GPR39: variants seen among roughly 807,000 people sequenced by gnomAD.
GPR39 encodes the protein G protein-coupled receptor 39, also known as zinc sensing receptor.
A neutral mutation model predicts 18.4 loss-of-function variants in GPR39; 23 were observed. The observed-to-expected ratio is 1.25, with a 90% CI of 0.90 to 1.77. The LOEUF (loss-of-function observed/expected upper bound fraction) is 1.77, where lower values mean the gene tolerates loss of function less well. Ranked by LOEUF, GPR39 falls within the 40% of genes most tolerant of loss-of-function variation. The pLI, the probability that GPR39 is intolerant of heterozygous loss-of-function variation, is 0.00. For synonymous variants in GPR39, 280 were observed against 257.9 expected, an observed-to-expected ratio of 1.09 and a Z score of -0.82; for missense variants, 647 against 602.4, an observed-to-expected ratio of 1.07 and a Z score of -0.78.
At chr2:132,626,958 C>A (rs1681554631) in intron 1 of GPR39, among the ~76,000 whole-genome samples, 1 of 152,226 alleles carries the variant, frequency 6.6e-6, no homozygotes, top group East Asian at 1.9e-4. Context: ...CTCCTTCTCA[C>A]AATGTTATGT....
At chr2:132,505,809 A>G (rs1026255580) in intron 1 of GPR39, among the ~76,000 whole-genome samples, 9 of 152,196 alleles carry the variant, frequency 5.9e-5, no homozygotes, top group Non-Finnish European at 1.2e-4. Flanking sequence ...CCATTGGTGG[A>G]CACTTAGGCT....
In GPR39 at chr2:132,547,400, C is replaced by G. The variant is rs574346656; in HGVS notation, c.857-97701C>G. 3.9e-5 allele frequency among the ~76,000 whole-genome samples: 6 copies of G among 152,260 alleles called. No individual in the cohort carries two copies. The South Asian group carries it at 1.2e-3, about 32-fold the overall frequency. On this transcript the variant is annotated intron_variant, in intron 1 of 1. Transcript: ENST00000329321. ...CCTGGGGAGGTTTATAGACAATTTC[C>G]AGGCCCGGCAAAGCTGGGACTGTCA... is the stretch of plus-strand genomic sequence containing the variant.
chr2:132,424,394 C>T (rs931105292), intron 1 of GPR39, among the ~76,000 whole-genome samples: 2 of 152,184 alleles, frequency 1.3e-5, no homozygotes, highest in African/African-American at 4.8e-5. Flanking sequence ...CCATCTCTCT[C>T]AAGAGTGAGC....
intron 1 of GPR39, among the ~76,000 whole-genome samples, chr2:132,438,141 A>C: frequency 6.6e-6 from 1 of 152,218 alleles, no homozygotes; most frequent in Non-Finnish European, 1.5e-5. Flanking sequence ...AGGTATTTTC[A>C]GTTCCTGACT....
Position 132,497,633 on chromosome 2 carries a change from C to T in GPR39, c.856+79735C>T, listed in dbSNP as rs148983518. 7.0e-3 allele frequency among the ~76,000 whole-genome samples: 1,071 copies of T among 152,248 alleles called. 16 individuals are homozygous for T. The highest frequency in any genetic ancestry group is 0.024 in the African/African-American group (1,015 of 41,520). ...AACTAATTAAGAGTCATAATTATTTCCCACTTTGGAACAAAGCCCTTTCTA... is the reference window on the plus strand; with the variant it reads ...AACTAATTAAGAGTCATAATTATTTTCCACTTTGGAACAAAGCCCTTTCTA... On this transcript the variant is annotated intron_variant, in intron 1 of 1. Coordinates refer to ENST00000329321, the MANE Select transcript of GPR39 (RefSeq NM_001508.3).
At chr2:132,614,911 C>T (rs1376140170) in intron 1 of GPR39, among the ~76,000 whole-genome samples, 28 of 152,174 alleles carry the variant, frequency 1.8e-4, no homozygotes, top group Admixed American at 1.8e-3. Flanking sequence ...TTTCTTACTC[C>T]AATAATCAAG....
In GPR39 at chr2:132,499,628, T is replaced by A. The variant is rs186337820; in HGVS notation, c.856+81730T>A. On this transcript the variant is annotated intron_variant, in intron 1 of 1. Transcript: ENST00000329321. ...ATGATGGTGGTATTTTGATAAGAAT[T>A]GCATTGAATTTGTAGACTGCTTTTG... 3.3e-5 allele frequency among the ~76,000 whole-genome samples: 5 copies of A among 152,254 alleles called. No homozygotes were observed. In the East Asian group the frequency reaches 9.6e-4, roughly 29 times the overall value.
chr2:132,429,925 TTAGACTGAAAAG>T (rs984649815), intron 1 of GPR39, among the ~76,000 whole-genome samples: 12 of 152,226 alleles, frequency 7.9e-5, no homozygotes, highest in Admixed American at 3.9e-4. Context: ...AGTGATGAAT[TTAGACTGAAAAG>T]TAGACTGAGT....
intron 1 of GPR39, among the ~76,000 whole-genome samples, chr2:132,518,151 ACATGATACCATC>A (rs1459462185): frequency 6.6e-6 from 1 of 152,228 alleles, no homozygotes; most frequent in African/African-American, 2.4e-5. Context: ...ATGACCTAGC[ACATGATACCATC>A]CATTATAATG....
chr2:132,585,948 GTTTTTTTTTTTT>G (rs397985921), intron 1 of GPR39, among the ~76,000 whole-genome samples: 1 of 62,974 alleles, frequency 1.6e-5, no homozygotes. Flanking sequence ...AGCATCCCCG[GTTTTTTTTTTTT>G]TTTTTTTTTT....
intron 1 of GPR39, among the ~76,000 whole-genome samples, chr2:132,610,272 G>C (rs902141393): frequency 1.2e-4 from 18 of 152,130 alleles, no homozygotes; most frequent in Non-Finnish European, 4.4e-5. Context: ...CTGGGCTTCA[G>C]TGTCACAGGT....
At chr2:132,479,255 T>A (rs1430865178) in intron 1 of GPR39, among the ~76,000 whole-genome samples, 1 of 152,192 alleles carries the variant, frequency 6.6e-6, no homozygotes, top group African/African-American at 2.4e-5. Flanking sequence ...CGTAGTGAGA[T>A]GAGACCTGCG....
chr2:132,622,576 A>G (rs534734547), intron 1 of GPR39, among the ~76,000 whole-genome samples: 1 of 152,326 alleles, frequency 6.6e-6, no homozygotes, highest in Admixed American at 6.5e-5. Flanking sequence ...CCATAAATCA[A>G]TACCTGGAAG....
intron 1 of GPR39, among the ~76,000 whole-genome samples, chr2:132,502,654 C>T (rs1236322921): frequency 1.3e-5 from 2 of 152,182 alleles, no homozygotes; most frequent in Non-Finnish European, 2.9e-5. Context: ...ATTATTCCCT[C>T]AAATATGTTT....
At chr2:132,499,559 T>G (rs1454894580) in intron 1 of GPR39, among the ~76,000 whole-genome samples, 1 of 152,134 alleles carries the variant, frequency 6.6e-6, no homozygotes, top group Non-Finnish European at 1.5e-5. Context: ...GCGGGCTCTT[T>G]TTTGATTCCA....
chr2:132,488,779 G>A (rs560358716), intron 1 of GPR39: 18 of 162,578 alleles, frequency 1.1e-4, no homozygotes, highest in Non-Finnish European at 1.7e-4. Flanking sequence ...CTGTGGAACC[G>A]TGGTCTCTAG....
chr2:132,489,600 T>C (rs1267925307), intron 1 of GPR39, among the ~76,000 whole-genome samples: 1 of 151,994 alleles, frequency 6.6e-6, no homozygotes, highest in Non-Finnish European at 1.5e-5. Flanking sequence ...AAGGAAAACC[T>C]TGGGTATGCA....
At chr2:132,481,457 G>C (rs968155989) in intron 1 of GPR39, among the ~76,000 whole-genome samples, 2 of 152,146 alleles carry the variant, frequency 1.3e-5, no homozygotes, top group Non-Finnish European at 2.9e-5. Context: ...TATACCAGGA[G>C]GTAAAAGAAA....
chr2:132,628,392 C>T (rs1681589967), intron 1 of GPR39, among the ~76,000 whole-genome samples: 1 of 152,156 alleles, frequency 6.6e-6, no homozygotes, highest in South Asian at 2.1e-4. Context: ...CCTGAGAGAC[C>T]AGCAGACTCA....
Sources: allele counts gnomAD v4.1 joint callset (sites outside exome capture counted in the v4.1 genomes callset), GRCh38; gene constraint gnomAD v4.1.1; transcripts MANE v1.5; gene names NCBI Gene and HGNC (gene_info 2026-07-23, HGNC 2026-07-21).